THADA: variants seen among roughly 807,000 people sequenced by gnomAD.
THADA encodes the protein tRNA (32-2'-O)-methyltransferase regulator THADA.
A neutral mutation model predicts 219.8 loss-of-function variants in THADA; 213 were observed. The observed-to-expected ratio is 0.97, with a 90% CI of 0.87 to 1.09. The LOEUF (loss-of-function observed/expected upper bound fraction) is 1.09. Among genes scored for constraint, THADA ranks in the 50% least tolerant of loss-of-function variants. THADA has a pLI of 0.00. For missense variants in THADA, 2,956 were observed against 2,311.3 expected (o/e 1.28, Z -5.72); for synonymous variants, 1,018 against 828.9 (o/e 1.23, Z -3.92).
chr2:43,438,248 G>A (rs1385604987), intron 26 of THADA, among the ~76,000 whole-genome samples: 6 of 144,210 alleles, frequency 4.2e-5, no homozygotes, highest in Non-Finnish European at 3.0e-5. Flanking sequence ...CTTGCAGTGA[G>A]CCGAGATCGT....
intron 29 of THADA, chr2:43,370,257 C>G (rs1462758013): frequency 1.3e-5 from 2 of 152,228 alleles, no homozygotes; most frequent in Non-Finnish European, 2.9e-5. Context: ...TTTTGTTATA[C>G]TTTGACTGCC....
chr2:43,529,799 T>A (rs1031080815), intron 21 of THADA, among the ~76,000 whole-genome samples: 2 of 152,220 alleles, frequency 1.3e-5, no homozygotes, highest in Admixed American at 1.3e-4. Context: ...ACTAGATTAG[T>A]ATTCTGCACA....
intron 36 of THADA, among the ~76,000 whole-genome samples, chr2:43,262,750 C>T (rs1009125898): frequency 6.6e-6 from 1 of 152,170 alleles, no homozygotes; most frequent in Admixed American, 6.5e-5. Flanking sequence ...AACATTAGGA[C>T]CTTGCTACTC....
chr2:43,423,096 A>G (rs995199205), intron 28 of THADA, among the ~76,000 whole-genome samples: 9 of 152,198 alleles, frequency 5.9e-5, no homozygotes, highest in Non-Finnish European at 8.8e-5. Context: ...CTTCTAGTAC[A>G]TGGCTCCTCA....
At chr2:43,498,785 C>T in intron 25 of THADA, 48 bp downstream of exon 25, 1 of 1,589,632 alleles carries the variant, frequency 6.3e-7, no homozygotes, top group Non-Finnish European at 8.6e-7. Context: ...TTAAAACCTA[C>T]TCAGAAGCAT....
chr2:43,279,735 A>G (rs1016471280), intron 36 of THADA, 30 bp downstream of exon 36: 18 of 1,541,682 alleles, frequency 1.2e-5, no homozygotes, highest in African/African-American at 4.1e-5. Context: ...TGCAGCGATA[A>G]GACAATGCAA....
intron 1 of THADA, among the ~76,000 whole-genome samples, chr2:43,594,810 CCTT>C (rs1411309423): frequency 2.6e-5 from 4 of 152,116 alleles, no homozygotes; most frequent in African/African-American, 9.7e-5. Context: ...AAGACTGACT[CCTT>C]CTCACCATTC....
intron 8 of THADA, among the ~76,000 whole-genome samples, chr2:43,580,834 C>T (rs1357832893): frequency 2.0e-5 from 3 of 151,724 alleles, no homozygotes; most frequent in Non-Finnish European, 4.4e-5. Flanking sequence ...GAGCCAAGAT[C>T]ACGCCACTGC....
intron 26 of THADA, among the ~76,000 whole-genome samples, chr2:43,443,375 G>T (rs970514327): frequency 6.6e-6 from 1 of 152,218 alleles, no homozygotes; most frequent in Non-Finnish European, 1.5e-5. Context: ...TTAATAAAAT[G>T]AGTACCCTGC....
intron 22 of THADA, among the ~76,000 whole-genome samples, chr2:43,520,713 T>TATACACACAC (rs1218079783): frequency 4.8e-5 from 6 of 125,128 alleles, no homozygotes; most frequent in African/African-American, 1.8e-4. Context: ...TATATATATA[T>TATACACACAC]ACACACACAC....
chr2:43,265,994 C>T (rs13388722), intron 36 of THADA, among the ~76,000 whole-genome samples: 16,459 of 141,286 alleles, frequency 0.12, 989 homozygotes, highest in Admixed American at 0.14. Flanking sequence ...CACACACAGA[C>T]TCTTGAGGGT....
chr2:43,248,196 GA>G (rs1558464589), intron 36 of THADA, among the ~76,000 whole-genome samples: 18 of 136,028 alleles, frequency 1.3e-4, no homozygotes, highest in Non-Finnish European at 2.4e-4. Flanking sequence ...GAGAGAGAGA[GA>G]GAGAGAGAGA....
intron 16 of THADA, among the ~76,000 whole-genome samples, chr2:43,557,645 T>C (rs1390243728): frequency 6.6e-6 from 1 of 152,216 alleles, no homozygotes; most frequent in African/African-American, 2.4e-5. Flanking sequence ...GGAAAGGCAC[T>C]GGGCTGACAA....
chr2:43,512,703 T>C (rs974057761), intron 22 of THADA, among the ~76,000 whole-genome samples: 4 of 152,222 alleles, frequency 2.6e-5, no homozygotes, highest in African/African-American at 7.2e-5. Flanking sequence ...GGTTTCCCCA[T>C]GTTGGTCGGG....
At chr2:43,509,166 G>A (rs956696164) in intron 22 of THADA, among the ~76,000 whole-genome samples, 2 of 152,044 alleles carry the variant, frequency 1.3e-5, no homozygotes, top group Admixed American at 1.3e-4. Flanking sequence ...TATGTTTATA[G>A]GGATTACACA....
chr2:43,527,373 A>C (rs1693291976), intron 22 of THADA, among the ~76,000 whole-genome samples: 1 of 152,250 alleles, frequency 6.6e-6, no homozygotes, highest in Non-Finnish European at 1.5e-5. Flanking sequence ...CATTTGGTTA[A>C]ATATATGAAA....
intron 36 of THADA, among the ~76,000 whole-genome samples, chr2:43,245,050 A>C (rs1010962316): frequency 6.6e-6 from 1 of 152,138 alleles, no homozygotes; most frequent in Non-Finnish European, 1.5e-5. Flanking sequence ...ACCAGCTCTG[A>C]GGACACATTC....
At chr2:43,245,788 G>A (rs1437568535) in intron 36 of THADA, among the ~76,000 whole-genome samples, 1 of 152,152 alleles carries the variant, frequency 6.6e-6, no homozygotes, top group East Asian at 1.9e-4. Flanking sequence ...CACACTGGTG[G>A]GATATGGGTG....
intron 20 of THADA, among the ~76,000 whole-genome samples, chr2:43,541,718 T>C (rs894071137): frequency 1.3e-5 from 2 of 151,988 alleles, no homozygotes; most frequent in African/African-American, 4.8e-5. Flanking sequence ...CCACATCACC[T>C]CCTGGACTAA....
Sources: allele counts gnomAD v4.1 joint callset (sites outside exome capture counted in the v4.1 genomes callset), GRCh38; gene constraint gnomAD v4.1.1; transcripts MANE v1.5; gene names NCBI Gene and HGNC (gene_info 2026-07-23, HGNC 2026-07-21).